Variants in RHPN2 observed in about 807,000 individuals in gnomAD.
RHPN2 encodes the protein rhophilin Rho GTPase binding protein 2, also known as rhophilin-2.
In RHPN2, 40 loss-of-function variants were observed where a neutral mutation model predicts 79.0. The ratio of observed to expected loss-of-function variants is 0.51; its 90% CI spans 0.39 to 0.66. The LOEUF is 0.66. Ranked by LOEUF, RHPN2 falls within the 30% of genes least tolerant of loss-of-function variation. The probability of loss-of-function intolerance (pLI) is 0.00; values close to 1 mark genes in which losing one functional copy is unlikely to be tolerated. For synonymous variants in RHPN2, 285 were observed against 363.5 expected, an observed-to-expected ratio of 0.78 and a Z score of 2.46; for missense variants, 686 against 883.5, an observed-to-expected ratio of 0.78 and a Z score of 2.83.
intron 2 of RHPN2, among the ~76,000 whole-genome samples, chr19:33,034,867 G>A (rs550859739): frequency 2.2e-4 from 34 of 152,122 alleles, no homozygotes; most frequent in South Asian, 1.2e-3. Flanking sequence ...GAGAGGCTGA[G>A]GCAGGAGGAC....
At chr19:32,994,461 C>T (rs528491246) in intron 11 of RHPN2, among the ~76,000 whole-genome samples, 1 of 151,994 alleles carries the variant, frequency 6.6e-6, no homozygotes, top group African/African-American at 2.4e-5. Flanking sequence ...CATCCTTCCC[C>T]TCGGTTTAGA....
At chr19:33,035,553 A>T (rs1215772804) in intron 2 of RHPN2, among the ~76,000 whole-genome samples, 4 of 152,212 alleles carry the variant, frequency 2.6e-5, no homozygotes, top group African/African-American at 9.6e-5. Flanking sequence ...ACCATGATTC[A>T]GAAATCAACC....
intron 7 of RHPN2, among the ~76,000 whole-genome samples, chr19:33,004,438 A>G (rs376529307): frequency 1.3e-5 from 2 of 152,150 alleles, no homozygotes; most frequent in Non-Finnish European, 2.9e-5. Context: ...CTGCACACTT[A>G]AAAATGGTTA....
At chr19:33,012,029 G>A (rs1971839292) in intron 5 of RHPN2, among the ~76,000 whole-genome samples, 1 of 145,548 alleles carries the variant, frequency 6.9e-6, no homozygotes, top group Admixed American at 7.2e-5. Context: ...CCCTTCTATG[G>A]TTTTCCTTCT....
At chr19:33,025,982 T>TTG (rs1599823504) in intron 3 of RHPN2, among the ~76,000 whole-genome samples, 1 of 38,786 alleles carries the variant, frequency 2.6e-5, no homozygotes, top group African/African-American at 7.9e-4. Context: ...TGTTCATTTG[T>TTG]TTTTTTTTTT....
chr19:32,997,968 G>A (rs1009992156), intron 10 of RHPN2, among the ~76,000 whole-genome samples: 1 of 152,214 alleles, frequency 6.6e-6, no homozygotes, highest in Non-Finnish European at 1.5e-5. Flanking sequence ...AAAGAGCCAG[G>A]CCAGATCATG....
intron 7 of RHPN2, among the ~76,000 whole-genome samples, chr19:33,005,728 T>C (rs1367801454): frequency 6.6e-6 from 1 of 151,940 alleles, no homozygotes; most frequent in Non-Finnish European, 1.5e-5. Flanking sequence ...ATTTCGTCTA[T>C]AGTTTGTCTC....
intron 4 of RHPN2, 127 bp from the exon 5 acceptor site, chr19:33,012,851 C>T (rs1971846362): frequency 1.5e-6 from 1 of 658,826 alleles, no homozygotes; most frequent in African/African-American, 1.8e-5. Flanking sequence ...TAGTGATTTT[C>T]AAAGTGGGGG....
chr19:33,057,305 T>C (rs1972241907), intron 1 of RHPN2, among the ~76,000 whole-genome samples: 1 of 151,856 alleles, frequency 6.6e-6, no homozygotes, highest in Non-Finnish European at 1.5e-5. Flanking sequence ...ATCATGCCAC[T>C]GCACTCCAGC....
At chr19:33,004,628 C>A (rs1971776144) in intron 7 of RHPN2, among the ~76,000 whole-genome samples, 1 of 150,348 alleles carries the variant, frequency 6.7e-6, no homozygotes, top group African/African-American at 2.5e-5. Flanking sequence ...AAATAAACAC[C>A]CAGGCTGGAG....
At chr19:33,004,712 A>G (rs1039615192) in intron 7 of RHPN2, among the ~76,000 whole-genome samples, 2 of 151,616 alleles carry the variant, frequency 1.3e-5, no homozygotes, top group Admixed American at 1.3e-4. Context: ...TCAGCCTCCC[A>G]AGTAGCAGGG....
Position 33,061,178 on chromosome 19 carries a change from T to C in RHPN2, c.69+3606A>G, listed in dbSNP as rs1972276504. ...CAGCTCTGTCCAAGCTGTTCCCTCT[T>C]CCTGAAGGGCTCTTTCTCTCCTTTC... is the stretch of plus-strand genomic sequence containing the variant. On this transcript the variant is annotated intron_variant, in intron 1 of 14. Transcript: ENST00000254260. Among the ~76,000 whole-genome samples, 3 of 150,860 alleles carry C rather than the reference T, an allele frequency of 2.0e-5. No individual in the cohort carries two copies. In the South Asian group the frequency reaches 6.3e-4, roughly 32 times the overall value.
chr19:33,021,465 T>C, intron 4 of RHPN2, 106 bp downstream of exon 4: 1 of 903,566 alleles, frequency 1.1e-6, no homozygotes, highest in South Asian at 1.4e-5. Context: ...CAAGCGATCC[T>C]CTTGCCTCAG....
chr19:33,034,430 CCTGTCT>C (rs1412920444), intron 2 of RHPN2, among the ~76,000 whole-genome samples: 2 of 151,660 alleles, frequency 1.3e-5, no homozygotes, highest in East Asian at 3.9e-4. Flanking sequence ...ACAGTGAAAC[CCTGTCT>C]CTACTAAAAA....
rs886938012 is a variant in RHPN2 at position 33,049,613 on chromosome 19, G to A, written c.70-5249C>T. 1.1e-4 allele frequency among the ~76,000 whole-genome samples: 17 copies of A among 152,274 alleles called. No individual in the cohort carries two copies. The East Asian group carries it at 2.7e-3, about 24-fold the overall frequency. On this transcript the variant is annotated intron_variant, in intron 1 of 14. Coordinates refer to ENST00000254260, the MANE Select transcript of RHPN2 (RefSeq NM_033103.5). ...CTATTCCCTTCCCACACTAAGGTTC[G>A]GACATTTCCGTCAGTCCCGAAACTT...
chr19:33,046,537 G>A (rs1027451816), intron 1 of RHPN2, among the ~76,000 whole-genome samples: 4 of 152,232 alleles, frequency 2.6e-5, no homozygotes, highest in Admixed American at 2.0e-4. Context: ...AATATGCTGG[G>A]ATTACAGGCG....
chr19:32,983,240 T>A (rs145259000), intron 14 of RHPN2, among the ~76,000 whole-genome samples: 41 of 151,784 alleles, frequency 2.7e-4, no homozygotes, highest in Non-Finnish European at 3.4e-4. Flanking sequence ...TGGCGGGGCG[T>A]GGTGGCTCAC....
intron 2 of RHPN2, among the ~76,000 whole-genome samples, chr19:33,029,290 G>A (rs1291878344): frequency 6.6e-6 from 1 of 152,002 alleles, no homozygotes; most frequent in East Asian, 1.9e-4. Flanking sequence ...ACTTTGGGAG[G>A]CCGAGACGGA....
At position 32,996,056 on chromosome 19, in the gene RHPN2, G is replaced by T. The variant is rs1599810000; in HGVS notation, c.1390C>A (p.Leu464Met). Residue 464 changes from leucine (L) to methionine (M), a missense_variant, in exon 11 of 15, where the codon CTG becomes ATG. Coordinates refer to ENST00000254260, the MANE Select transcript of RHPN2 (RefSeq NM_033103.5). Reference protein sequence around the residue: ...YAQHQEEDDLLNLIDAPSVVA... With the variant: ...YAQHQEEDDLMNLIDAPSVVA... ...ACACTGGGGGCGTCGATCAGGTTCA[G>T]CAGGTCATCCTCCTCCTGGTGCTGG... is the stretch of plus-strand genomic sequence containing the variant. 1 of 1,614,004 alleles carries T rather than the reference G, an allele frequency of 6.2e-7. No individual in the cohort carries two copies. The highest frequency in any genetic ancestry group is 1.7e-5 in the Admixed American group (1 of 60,012).
Sources: allele counts gnomAD v4.1 joint callset (sites outside exome capture counted in the v4.1 genomes callset), GRCh38; gene constraint gnomAD v4.1.1; transcripts MANE v1.5; gene names NCBI Gene and HGNC (gene_info 2026-07-23, HGNC 2026-07-21).